The following PCDHA3 variants were observed in gnomAD, a reference collection of about 807,000 sequenced individuals.
PCDHA3 encodes the protein protocadherin alpha-3.
A neutral mutation model predicts 62.2 loss-of-function variants in PCDHA3; 41 were observed. The observed-to-expected ratio is 0.66, with a 90% CI of 0.51 to 0.86. The LOEUF (loss-of-function observed/expected upper bound fraction) is 0.86, where lower values mean the gene tolerates loss of function less well. Among genes scored for constraint, PCDHA3 ranks in the 40% least tolerant of loss-of-function variants. PCDHA3 has a pLI of 0.00. For missense variants in PCDHA3, 1,304 were observed against 1,241.2 expected (o/e 1.05, Z -0.76); for synonymous variants, 640 against 555.4 (o/e 1.15, Z -2.14).
chr5:140,802,137 A>C lies in PCDHA3; in HGVS notation c.940A>C (p.Lys314Gln), dbSNP rs1554121887. Reference sequence around the variant, plus strand: ...GGGTAACATAGATTTCGAGGAAAGTAAGTCATATGAAATCCAGGTAGAAGC... The same window carrying C: ...GGGTAACATAGATTTCGAGGAAAGTCAGTCATATGAAATCCAGGTAGAAGC... Reference protein sequence around the residue: ...VKGNIDFEESKSYEIQVEATD... With the variant: ...VKGNIDFEESQSYEIQVEATD... Residue 314 changes from lysine (K) to glutamine (Q), a missense_variant, in exon 1 of 4, where the codon AAG becomes CAG. Physicochemically the swap from Lys to Gln is moderately conservative, Grantham distance 53. Coordinates refer to ENST00000522353, the MANE Select transcript of PCDHA3 (RefSeq NM_018906.3). 1 of 1,614,238 alleles carries C rather than the reference A, an allele frequency of 6.2e-7. No homozygotes were observed. Among genetic ancestry groups the C allele is most frequent in the Non-Finnish European group, 8.5e-7 (1 of 1,180,040 alleles).
In PCDHA3 at chr5:140,941,217, T is replaced by TTC. The variant is rs1483555953; in HGVS notation, c.2395-37730_2395-37729dup. Among the ~76,000 whole-genome samples, 308 of 126,180 alleles carry TTC rather than the reference T, an allele frequency of 2.4e-3. 1 individual carries two copies. Among genetic ancestry groups the TTC allele is most frequent in the African/African-American group, 9.4e-3 (294 of 31,220 alleles). The allele number at this position is 126,180 out of a possible 152,430, so 82.8% of individuals were successfully genotyped here. On this transcript the variant is annotated intron_variant, in intron 1 of 3. Coordinates refer to ENST00000522353, the MANE Select transcript of PCDHA3 (RefSeq NM_018906.3). ...TTTCTTTCTTCCTTTCTTTCTTCCT[T>TTC]TCTTTCTTTCTTTCTTTCTTTCTTT...
chr5:140,923,792 T>G (rs2081513332), intron 1 of PCDHA3, among the ~76,000 whole-genome samples: 1 of 152,310 alleles, frequency 6.6e-6, no homozygotes, highest in South Asian at 2.1e-4. Flanking sequence ...CTTCATTCTT[T>G]TCACAAATGA....
In PCDHA3 at chr5:140,855,898, G is replaced by C; in HGVS notation, c.2394+52307G>C. On this transcript the variant is annotated intron_variant, in intron 1 of 3. Transcript: ENST00000522353. ...ATAGCTTTTTAGAACAAAGGCATCA[G>C]CCAGTTTCTCAAGGACTAGGAAGTA... is the stretch of plus-strand genomic sequence containing the variant. 1.9e-6 allele frequency: 2 copies of C among 1,070,112 alleles called. 1 individual carries two copies. The highest frequency in any genetic ancestry group is 2.7e-6 in the Non-Finnish European group (2 of 750,306). The allele number at this position is 1,070,112 out of a possible 1,614,324, so 66.3% of individuals were successfully genotyped here.
intron 1 of PCDHA3, chr5:140,836,349 G>T (rs2150258385): frequency 6.2e-7 from 1 of 1,613,710 alleles, no homozygotes; most frequent in Non-Finnish European, 8.5e-7. Context: ...GGACCACGGG[G>T]AGCCCTCGCT....
chr5:140,905,019 A>C (rs1000367022), intron 1 of PCDHA3, among the ~76,000 whole-genome samples: 23 of 152,044 alleles, frequency 1.5e-4, no homozygotes, highest in African/African-American at 5.6e-4. Context: ...ATTCTTTTCT[A>C]TGCAGAAGCT....
Position 140,805,326 on chromosome 5 carries a change from G to GATCCA in PCDHA3, c.2394+1737_2394+1738insCCAAT, listed in dbSNP as rs1420387456. 7.2e-6 allele frequency: 9 copies of GATCCA among 1,251,672 alleles called. No individual in the cohort carries two copies. In the African/African-American group the frequency reaches 1.1e-4, roughly 15 times the overall value. The allele number at this position is 1,251,672 out of a possible 1,614,324, so 77.5% of individuals were successfully genotyped here. On this transcript the variant is annotated intron_variant, in intron 1 of 3. Coordinates refer to ENST00000522353, the MANE Select transcript of PCDHA3 (RefSeq NM_018906.3). ...CTTCCTCCTTTTTTCCAATGTGCTT[G>GATCCA]ATGTCAATGATCATTTTGTAAAAAT... is the stretch of plus-strand genomic sequence containing the variant.
At chr5:140,938,719 T>A (rs1484492024) in intron 1 of PCDHA3, among the ~76,000 whole-genome samples, 2 of 152,098 alleles carry the variant, frequency 1.3e-5, no homozygotes, top group African/African-American at 4.8e-5. Context: ...TAGAAACGCG[T>A]TTCTACAGAA....
chr5:140,927,432 C>G lies in PCDHA3; in HGVS notation c.2395-51517C>G, dbSNP rs781874569. The G allele has an allele frequency of 6.8e-6, 11 of 1,614,124 alleles. No homozygotes were observed. The East Asian group carries it at 2.5e-4, about 36-fold the overall frequency. On this transcript the variant is annotated intron_variant, in intron 1 of 3. Transcript: ENST00000522353. Reference sequence around the variant, plus strand: ...ACATGGGATCGCGGGTTGACGGCAGCGAATACCCGGAGTTGGTGTTGGAGA... The same window carrying G: ...ACATGGGATCGCGGGTTGACGGCAGGGAATACCCGGAGTTGGTGTTGGAGA...
intron 1 of PCDHA3, chr5:140,871,435 G>T: frequency 6.2e-7 from 1 of 1,612,454 alleles, no homozygotes; most frequent in Non-Finnish European, 8.5e-7. Context: ...TCTTCCTCTA[G>T]GTCTGAATAA....
rs1554121712 is a variant in PCDHA3 at position 140,801,801 on chromosome 5, C to A, written c.604C>A (p.Arg202=). ...LGLVLKKNLN[R]EDTPKHYLLI... is the part of the protein sequence containing the mutation. The stretch of plus-strand genomic sequence containing the variant: ...ACTCGTGTTGAAAAAAAATTTAAAT[C>A]GAGAGGACACTCCTAAGCATTATTT... Residue 202 remains arginine (R), a synonymous_variant, in exon 1 of 4, where the codon CGA becomes AGA. Transcript: ENST00000522353. The A allele has an allele frequency of 2.5e-6, 4 of 1,613,954 alleles. No homozygotes were observed. The highest frequency in any genetic ancestry group is 3.4e-6 in the Non-Finnish European group (4 of 1,180,006).
chr5:140,917,806 A>G (rs921651411), intron 1 of PCDHA3, among the ~76,000 whole-genome samples: 45 of 151,888 alleles, frequency 3.0e-4, no homozygotes, highest in Admixed American at 2.9e-3. Context: ...GCCTTGCAGT[A>G]TAGTTGAAGT....
intron 1 of PCDHA3, among the ~76,000 whole-genome samples, chr5:140,905,043 A>T (rs782694794): frequency 1.5e-4 from 23 of 152,126 alleles, no homozygotes; most frequent in Non-Finnish European, 5.9e-5. Flanking sequence ...TAGTTTAATT[A>T]GGTCCCATTT....
Position 140,835,536 on chromosome 5 carries a change from G to C in PCDHA3, c.2394+31945G>C, listed in dbSNP as rs1220164308. 1.9e-6 allele frequency: 3 copies of C among 1,613,822 alleles called. 1 individual carries two copies. Among genetic ancestry groups the C allele is most frequent in the East Asian group, 4.5e-5 (2 of 44,840 alleles). ...CCGAGATTTTGGAGTCAACGGACAG[G>C]TTACCTGCTCCCTGACGCCCCGCGT... On this transcript the variant is annotated intron_variant, in intron 1 of 3. Coordinates refer to ENST00000522353, the MANE Select transcript of PCDHA3 (RefSeq NM_018906.3).
chr5:140,863,333 CGTT>C, intron 1 of PCDHA3: 1 of 1,399,240 alleles, frequency 7.1e-7, no homozygotes. Flanking sequence ...TTAGTGCTCA[CGTT>C]GCTGCTGTAC....
intron 1 of PCDHA3, chr5:140,871,319 T>C (rs782385310): frequency 6.2e-7 from 1 of 1,614,040 alleles, no homozygotes; most frequent in Admixed American, 1.7e-5. Flanking sequence ...CCCACGCTGG[T>C]GTGCTCCCGC....
intron 1 of PCDHA3, chr5:140,860,153 GTATATATATATGTA>G (rs1410832204): frequency 1.4e-5 from 2 of 147,972 alleles, no homozygotes; most frequent in Admixed American, 1.4e-4. Flanking sequence ...GTATATATGT[GTATATATATATGTA>G]TATATATATG....
chr5:140,929,409 T>C, intron 1 of PCDHA3: 11 of 1,506,206 alleles, frequency 7.3e-6, no homozygotes, highest in Non-Finnish European at 9.8e-6. Context: ...GACAAGCCTT[T>C]CACAACATTT....
chr5:140,928,552 G>A lies in PCDHA3; in HGVS notation c.2395-50397G>A, dbSNP rs145928329. On this transcript the variant is annotated intron_variant, in intron 1 of 3. Coordinates refer to ENST00000522353, the MANE Select transcript of PCDHA3 (RefSeq NM_018906.3). ...GGTAGATAGGAATGACAATTATCCGGTTATCTTGTTTCCCTTGCCCAGAAA... is the reference window on the plus strand; with the variant it reads ...GGTAGATAGGAATGACAATTATCCGATTATCTTGTTTCCCTTGCCCAGAAA... The A allele has an allele frequency of 6.7e-4, 1,075 of 1,614,218 alleles. 1 individual carries two copies. Among genetic ancestry groups the A allele is most frequent in the Non-Finnish European group, 8.6e-4 (1,013 of 1,180,042 alleles).
rs183786609 is a variant in PCDHA3, at chr5:140,896,576, C to T, written c.2395-82373C>T. ...ATTTTAAGTAGAGATGGGGTTTTGA[C>T]GTGTTGGCCAGGCTGGTCTCGAACT... On this transcript the variant is annotated intron_variant, in intron 1 of 3. Transcript: ENST00000522353. Among the ~76,000 whole-genome samples the T allele has an allele frequency of 3.4e-4, 51 of 151,254 alleles. No individual in the cohort carries two copies. The East Asian group carries it at 4.9e-3, about 14-fold the overall frequency.
Sources: allele counts gnomAD v4.1 joint callset (sites outside exome capture counted in the v4.1 genomes callset), GRCh38; gene constraint gnomAD v4.1.1; transcripts MANE v1.5; gene names NCBI Gene and HGNC (gene_info 2026-07-23, HGNC 2026-07-21).